Variants in ZFYVE28 observed in about 807,000 individuals in gnomAD.
ZFYVE28 encodes the protein zinc finger FYVE-type containing 28.
In ZFYVE28, 40 loss-of-function variants were observed where a neutral mutation model predicts 82.1. The observed-to-expected ratio is 0.49, with a 90% confidence interval of 0.38 to 0.63. ZFYVE28 has a LOEUF of 0.63. Ranked by LOEUF, ZFYVE28 falls within the 30% of genes least tolerant of loss-of-function variation. The pLI, the probability that ZFYVE28 is intolerant of heterozygous loss-of-function variation, is 0.00. For missense variants in ZFYVE28, 1,321 were observed against 1,242.1 expected (o/e 1.06, Z -0.96); for synonymous variants, 612 against 546.1 (o/e 1.12, Z -1.68).
At chr4:2,368,299 G>A (rs1727134986) in intron 1 of ZFYVE28, among the ~76,000 whole-genome samples, 1 of 151,868 alleles carries the variant, frequency 6.6e-6, no homozygotes, top group Non-Finnish European at 1.5e-5. Flanking sequence ...CTACTCAGGA[G>A]GCTGAAGCGG....
chr4:2,296,250 G>T, intron 8 of ZFYVE28, among the ~76,000 whole-genome samples: 1 of 152,174 alleles, frequency 6.6e-6, no homozygotes. Flanking sequence ...CCACCACTCA[G>T]GGCCTTGCAG....
chr4:2,315,651 T>C (rs150479879), intron 7 of ZFYVE28, among the ~76,000 whole-genome samples: 464 of 152,368 alleles, frequency 3.0e-3, no homozygotes, highest in Non-Finnish European at 4.9e-3. Flanking sequence ...AGAAGACAGC[T>C]ATCCATCTTA....
chr4:2,374,636 G>A (rs1486035736), intron 1 of ZFYVE28, among the ~76,000 whole-genome samples: 2 of 151,994 alleles, frequency 1.3e-5, no homozygotes, highest in African/African-American at 4.8e-5. Context: ...GAAGAAGAAG[G>A]AGAAGGAGAA....
rs374522690 is a variant in ZFYVE28, at chr4:2,339,714, G to A, written c.319-59C>T. 2.9e-5 allele frequency: 44 copies of A among 1,492,540 alleles called. No homozygotes were observed. Among genetic ancestry groups the A allele is most frequent in the African/African-American group, 4.2e-5 (3 of 71,696 alleles). The allele number at this position is 1,492,540 out of a possible 1,614,324, so 92.5% of individuals were successfully genotyped here. A position where few individuals can be genotyped will look rare whatever the true frequency, so the allele number is the denominator to read the frequency against. On this transcript the variant is annotated intron_variant, in intron 3 of 12. Coordinates refer to ENST00000290974, the MANE Select transcript of ZFYVE28 (RefSeq NM_020972.3). The surrounding 1 kb of genome is among the most constrained non-coding windows in gnomAD (Gnocchi z 5.0). ...GGTGAGGGCCAGGCTCTCAGGGGTC[G>A]CCGACCCGGGGAACCTGACTGCGCA...
chr4:2,365,573 G>A (rs1251344696), intron 1 of ZFYVE28, among the ~76,000 whole-genome samples: 1 of 152,008 alleles, frequency 6.6e-6, no homozygotes, highest in African/African-American at 2.4e-5. Flanking sequence ...CCACCCTTTG[G>A]TGGGAGCCCT....
intron 1 of ZFYVE28, among the ~76,000 whole-genome samples, chr4:2,405,390 C>A (rs1051126008): frequency 4.6e-5 from 7 of 152,250 alleles, no homozygotes; most frequent in African/African-American, 7.2e-5. Flanking sequence ...TTTGAGAAGA[C>A]CAATGGGACT....
At chr4:2,360,708 A>G (rs964763213) in intron 1 of ZFYVE28, among the ~76,000 whole-genome samples, 2 of 152,218 alleles carry the variant, frequency 1.3e-5, no homozygotes, top group Non-Finnish European at 2.9e-5. Context: ...AGAATCCAGA[A>G]GAAAATTTGG....
chr4:2,271,862 T>C (rs1426767071), intron 10 of ZFYVE28, 83 bp from the exon 11 acceptor site: 8 of 1,328,132 alleles, frequency 6.0e-6, no homozygotes, highest in Non-Finnish European at 8.6e-6. Context: ...TGGGCACAGC[T>C]GGGGGCTTCC....
rs1286397476 is a variant in ZFYVE28 at position 2,270,214 on chromosome 4, C to CT, written c.*510dup. 1 of 166,136 alleles carries CT rather than the reference C, an allele frequency of 6.0e-6. No individual in the cohort carries two copies. Among genetic ancestry groups the CT allele is most frequent in the Non-Finnish European group, 1.3e-5 (1 of 76,500 alleles). The allele number at this position is 166,136 out of a possible 1,614,324, so 10.3% of individuals were successfully genotyped here. A position where few individuals can be genotyped will look rare whatever the true frequency, so the allele number is the denominator to read the frequency against. ...GATGGTGAGGGGTGAGGGGTGAGGG[C>CT]TGGGGAACGAGGTGGGCAGCTGATG... is the stretch of plus-strand genomic sequence containing the variant. On this transcript the variant is annotated 3_prime_UTR_variant, in exon 13 of 13. Transcript: ENST00000290974.
At chr4:2,412,774 G>A (rs747239271) in intron 1 of ZFYVE28, among the ~76,000 whole-genome samples, 7 of 152,108 alleles carry the variant, frequency 4.6e-5, no homozygotes, top group Admixed American at 1.3e-4. Flanking sequence ...AAGCACATCC[G>A]GTATTCTGGG....
At chr4:2,351,236 G>A (rs1047170421) in intron 2 of ZFYVE28, among the ~76,000 whole-genome samples, 7 of 152,160 alleles carry the variant, frequency 4.6e-5, no homozygotes, top group Non-Finnish European at 7.4e-5. Context: ...ACCTGCTGGG[G>A]AATGACTCGG....
chr4:2,377,689 C>T (rs1221969217), intron 1 of ZFYVE28, among the ~76,000 whole-genome samples: 1 of 152,194 alleles, frequency 6.6e-6, no homozygotes, highest in African/African-American at 2.4e-5. Context: ...TTTTCCATTT[C>T]TCGTAGTTAC....
At position 2,332,821 on chromosome 4, in the gene ZFYVE28, T is replaced by C. The variant is rs1720927138; in HGVS notation, c.701+2884A>G. ...TCACCCGCTCAGCACTCACCCGCCC[T>C]GCTCGAGGCTCGCTGCACAGAGGGT... On this transcript the variant is annotated intron_variant, in intron 6 of 12. Coordinates refer to ENST00000290974, the MANE Select transcript of ZFYVE28 (RefSeq NM_020972.3). The surrounding 1 kb of genome is among the most constrained non-coding windows in gnomAD (Gnocchi z 4.7). Among the ~76,000 whole-genome samples, 2 of 151,908 alleles carry C rather than the reference T, an allele frequency of 1.3e-5. No individual in the cohort carries two copies. Among genetic ancestry groups the C allele is most frequent in the Non-Finnish European group, 2.9e-5 (2 of 68,010 alleles).
chr4:2,309,788 T>C (rs529046085), intron 7 of ZFYVE28, among the ~76,000 whole-genome samples: 1 of 152,310 alleles, frequency 6.6e-6, no homozygotes, highest in South Asian at 2.1e-4. Flanking sequence ...GAAATCTGTT[T>C]CTATATCTAT....
intron 1 of ZFYVE28, among the ~76,000 whole-genome samples, chr4:2,404,029 G>A (rs1731504073): frequency 6.6e-6 from 1 of 150,894 alleles, no homozygotes; most frequent in Non-Finnish European, 1.5e-5. Flanking sequence ...GTTCCTCAAA[G>A]CTGAAGATGG....
rs1262491365 is a variant in ZFYVE28 at position 2,417,677 on chromosome 4, G to A, written c.39+608C>T. ...TGTGGGTCAGTCCTGGTTCGGGAAG[G>A]GAGGCCGTTGGCAGGGCCATCAGGA... is the stretch of plus-strand genomic sequence containing the variant. On this transcript the variant is annotated intron_variant, in intron 1 of 12. Coordinates refer to ENST00000290974, the MANE Select transcript of ZFYVE28 (RefSeq NM_020972.3). The surrounding 1 kb of genome is among the most constrained non-coding windows in gnomAD (Gnocchi z 4.8). Among the ~76,000 whole-genome samples, 1 of 151,016 alleles carries A rather than the reference G, an allele frequency of 6.6e-6. No homozygotes were observed. Among genetic ancestry groups the A allele is most frequent in the Non-Finnish European group, 1.5e-5 (1 of 67,914 alleles).
intron 12 of ZFYVE28, 43 bp downstream of exon 12, chr4:2,271,268 C>A: frequency 6.3e-7 from 1 of 1,587,958 alleles, no homozygotes; most frequent in Non-Finnish European, 8.6e-7. Context: ...CCGTGGACGC[C>A]CTTGGATGCT....
chr4:2,315,108 AT>A (rs945237536), intron 7 of ZFYVE28, among the ~76,000 whole-genome samples: 9 of 150,958 alleles, frequency 6.0e-5, no homozygotes, highest in African/African-American at 1.5e-4. Context: ...ATCTGATACA[AT>A]TTTTTTTTCT....
intron 1 of ZFYVE28, among the ~76,000 whole-genome samples, chr4:2,385,073 A>T (rs1342781275): frequency 6.6e-6 from 1 of 152,168 alleles, no homozygotes; most frequent in South Asian, 2.1e-4. Flanking sequence ...AGCTGGCCTG[A>T]CCTGCCCAGG....
Sources: gnomAD v4.1 joint callset for allele counts (sites outside exome capture counted in the v4.1 genomes callset) on GRCh38, gnomAD v4.1.1 for gene constraint, Gnocchi (gnomAD v3.1) non-coding constraint, MANE v1.5 for transcripts, NCBI Gene and HGNC (gene_info 2026-07-23, HGNC 2026-07-21) for gene names.